Variants in ABCB11 observed in about 807,000 individuals in gnomAD.
ABCB11 encodes bile salt export pump.
In ABCB11, 95 loss-of-function variants were observed where a neutral mutation model predicts 148.0. The observed-to-expected ratio is 0.64, with a 90% confidence interval of 0.54 to 0.76. The LOEUF (loss-of-function observed/expected upper bound fraction) is 0.76, where lower values mean the gene tolerates loss of function less well. ABCB11 is among the 30% of genes least tolerant of loss of function. The pLI is 0.00. For synonymous variants in ABCB11, 591 were observed against 555.4 expected (o/e 1.06, Z -0.90); for missense variants, 1,523 against 1,617.8 (o/e 0.94, Z 1.01).
Position 168,952,680 on chromosome 2 carries a change from T to G in ABCB11, c.2343+5284A>C, listed in dbSNP as rs540697368. Among the ~76,000 whole-genome samples, 625 of 116,078 alleles carry G rather than the reference T, an allele frequency of 5.4e-3. 5 individuals carry two copies. The highest frequency in any genetic ancestry group is 8.9e-3 in the Non-Finnish European group (450 of 50,632). The allele number at this position is 116,078 out of a possible 152,430, so 76.2% of individuals were successfully genotyped here. On this transcript the variant is annotated intron_variant, in intron 19 of 27. Coordinates refer to ENST00000650372, the MANE Select transcript of ABCB11 (RefSeq NM_003742.4). ...TTTTTTGTTTCATTGCTCCTTTGTT[T>G]TTTTTTTTTTGTTTGTTTCTATTTT...
chr2:168,931,724 A>G (rs778059833), intron 24 of ABCB11, among the ~76,000 whole-genome samples: 8 of 152,118 alleles, frequency 5.3e-5, no homozygotes, highest in Non-Finnish European at 8.8e-5. Flanking sequence ...AACTGGCTTC[A>G]TTCATTTGGG....
In ABCB11 at chr2:168,932,368, A is replaced by G. The variant is rs1341979278; in HGVS notation, c.3213+9T>C. ...CTTTTTTATGGCTGCATAGTATTCC[A>G]ACACTTACCCATTTTTCACCTGCAG... On this transcript the variant is annotated intron_variant, in intron 24 of 27. Coordinates refer to ENST00000650372, the MANE Select transcript of ABCB11 (RefSeq NM_003742.4). The G allele has an allele frequency of 6.4e-7, 1 of 1,552,454 alleles. No individual in the cohort carries two copies. Among genetic ancestry groups the G allele is most frequent in the African/African-American group, 1.4e-5 (1 of 73,156 alleles).
At position 168,986,166 on chromosome 2, in the gene ABCB11, A is replaced by G; in HGVS notation, c.1027T>C (p.Tyr343His). The change falls in exon 10 of 28, where the codon TAC becomes CAC. Residue 343 changes from tyrosine (Y) to histidine (H), a missense_variant. Physicochemically the swap from Tyr to His is moderately conservative, Grantham distance 83 (BLOSUM62 2). Transcript: ENST00000650372. ...TCATCCAGGACAAGTGTGGAGCCGT[A>G]CCAGAAGGCCAGTGCATAACACAAA... ...IFLCYALAFW[Y>H]GSTLVLDEGE... 1 of 1,613,196 alleles carries G rather than the reference A, an allele frequency of 6.2e-7. No homozygotes were observed. The highest frequency in any genetic ancestry group is 8.5e-7 in the Non-Finnish European group (1 of 1,179,512).
intron 23 of ABCB11, 64 bp from the exon 24 acceptor site, chr2:168,932,597 C>G: frequency 1.9e-6 from 3 of 1,573,982 alleles, no homozygotes; most frequent in Non-Finnish European, 2.6e-6. Context: ...GACCTGAAGG[C>G]AGAAGTTTGG....
chr2:169,020,710 C>G (rs1695510101), intron 1 of ABCB11, among the ~76,000 whole-genome samples: 1 of 151,688 alleles, frequency 6.6e-6, no homozygotes, highest in Admixed American at 6.6e-5. Flanking sequence ...TAAGTGGTTG[C>G]CTAATGCTGG....
intron 8 of ABCB11, among the ~76,000 whole-genome samples, chr2:168,992,813 A>C (rs1694578644): frequency 6.6e-6 from 1 of 152,056 alleles, no homozygotes; most frequent in South Asian, 2.1e-4. Flanking sequence ...GAAATGTTTG[A>C]ATAATGTAGA....
Position 168,927,316 on chromosome 2 carries a change from C to G in ABCB11, c.3458G>C (p.Arg1153Pro), listed in dbSNP as rs748862206. 4 of 1,613,724 alleles carry G rather than the reference C, an allele frequency of 2.5e-6. No homozygotes were observed. The highest frequency in any genetic ancestry group is 2.5e-6 in the Non-Finnish European group (3 of 1,179,804). The change falls in exon 26 of 28, where the codon CGC becomes CCC. Residue 1153 changes from arginine (R) to proline (P), a missense_variant. Arg to Pro is a moderately radical substitution (Grantham distance 103). Coordinates refer to ENST00000650372, the MANE Select transcript of ABCB11 (RefSeq NM_003742.4). ...DSKKVNVQFL[R>P]SNIGIVSQEP... ...CTGGGAAACAATTCCAATGTTTGAGCGGAGGAACTGGACATTTACTTTTTT... is the reference window on the plus strand; with the variant it reads ...CTGGGAAACAATTCCAATGTTTGAGGGGAGGAACTGGACATTTACTTTTTT...
intron 9 of ABCB11, among the ~76,000 whole-genome samples, chr2:168,987,694 G>A (rs989009721): frequency 3.3e-5 from 5 of 152,166 alleles, no homozygotes; most frequent in Non-Finnish European, 7.3e-5. Flanking sequence ...GCCTTCCAAA[G>A]TGCTGGGATT....
rs1187121357 is a variant in ABCB11 at position 168,923,751 on chromosome 2, G to A, written c.3837C>T (p.Thr1279=). The part of the protein sequence containing the change: ...TCIVIAHRLS[T]IQNADIIAVM... ...CAGCAATGATATCCGCGTTCTGGAT[G>A]GTGGACAAGCGATGGGCAATGACAA... The change falls in exon 28 of 28, where the codon ACC becomes ACT. Residue 1279 remains threonine, a synonymous_variant. Coordinates refer to ENST00000650372, the MANE Select transcript of ABCB11 (RefSeq NM_003742.4). 1.2e-6 allele frequency: 2 copies of A among 1,613,874 alleles called. No individual in the cohort carries two copies. The highest frequency in any genetic ancestry group is 1.7e-6 in the Non-Finnish European group (2 of 1,179,874).
chr2:168,944,280 C>T (rs557281314), intron 21 of ABCB11, among the ~76,000 whole-genome samples: 6 of 111,248 alleles, frequency 5.4e-5, no homozygotes, highest in East Asian at 3.3e-4. Flanking sequence ...TCACCCACCC[C>T]CTGGGGGGCA....
chr2:168,986,574 T>C (rs1196925441), intron 9 of ABCB11, among the ~76,000 whole-genome samples: 1 of 152,078 alleles, frequency 6.6e-6, no homozygotes, highest in African/African-American at 2.4e-5. Context: ...TCAACATAAA[T>C]ATATGAACAA....
At position 169,027,672 on chromosome 2, in the gene ABCB11, A is replaced by C. The variant is rs148501933; in HGVS notation, c.-28+3553T>G. Reference sequence around the variant, plus strand: ...ATGGGCCTGAATGAGTAGTACCACAAAGGTCCTGAGGCTGTCAAAATTGGA... The same window carrying C: ...ATGGGCCTGAATGAGTAGTACCACACAGGTCCTGAGGCTGTCAAAATTGGA... On this transcript the variant is annotated intron_variant, in intron 1 of 27. Coordinates refer to ENST00000650372, the MANE Select transcript of ABCB11 (RefSeq NM_003742.4). 4.5e-3 allele frequency among the ~76,000 whole-genome samples: 688 copies of C among 152,268 alleles called. 5 individuals carry two copies. The highest frequency in any genetic ancestry group is 0.016 in the African/African-American group (649 of 41,564).
In ABCB11 at chr2:168,979,855, C is replaced by T; in HGVS notation, c.1197+11G>A. The T allele has an allele frequency of 6.4e-7, 1 of 1,550,524 alleles. No individual in the cohort carries two copies. Among genetic ancestry groups the T allele is most frequent in the Non-Finnish European group, 8.8e-7 (1 of 1,132,940 alleles). On this transcript the variant is annotated intron_variant, in intron 11 of 27. Transcript: ENST00000650372. ...ACCTGTTAATGGCCTTTACTTTTGG[C>T]TTATACATACCCTGTCTATTGTCTC...
chr2:168,922,315 A>C lies in ABCB11; in HGVS notation c.*1307T>G, dbSNP rs1043009069. Among the ~76,000 whole-genome samples, 6 of 152,118 alleles carry C rather than the reference A, an allele frequency of 3.9e-5. No homozygotes were observed. Among genetic ancestry groups the C allele is most frequent in the African/African-American group, 1.4e-4 (6 of 41,428 alleles). On this transcript the variant is annotated 3_prime_UTR_variant, in exon 28 of 28. Transcript: ENST00000650372. ...AACTTCATCTTGTGTCTCTAAGTGC[A>C]AACCTCCCTGTGAGCCTCCTCAGAG...
chr2:168,935,888 A>C lies in ABCB11; in HGVS notation c.2814+342T>G, dbSNP rs561871858. On this transcript the variant is annotated intron_variant, in intron 22 of 27. Coordinates refer to ENST00000650372, the MANE Select transcript of ABCB11 (RefSeq NM_003742.4). Reference sequence around the variant, plus strand: ...AAAGCATGGCTCAGGGGAACCATTAAATTGCAAAAGCTTCACGGCCAGAAA... The same window carrying C: ...AAAGCATGGCTCAGGGGAACCATTACATTGCAAAAGCTTCACGGCCAGAAA... Among the ~76,000 whole-genome samples the C allele has an allele frequency of 3.9e-5, 6 of 152,330 alleles. No homozygotes were observed. In the South Asian group the frequency reaches 1.2e-3, roughly 32 times the overall value.
chr2:168,915,611 A>C (rs1461638685), exon 3 of ABCB11, among the ~76,000 whole-genome samples: 1 of 152,232 alleles, frequency 6.6e-6, no homozygotes, highest in Admixed American at 6.5e-5. Context: ...ATGTTCAGGA[A>C]TCAGGCTGAA....
chr2:169,002,697 T>A (rs993640800), intron 5 of ABCB11, among the ~76,000 whole-genome samples: 1 of 152,120 alleles, frequency 6.6e-6, no homozygotes, highest in Non-Finnish European at 1.5e-5. Context: ...ACAAATACAG[T>A]GTAATCTCAC....
At chr2:168,976,467 C>T (rs2105976889) in intron 12 of ABCB11, 110 bp downstream of exon 12, 1 of 602,892 alleles carries the variant, frequency 1.7e-6, no homozygotes, top group Non-Finnish European at 2.9e-6. Flanking sequence ...CCTCCATTCC[C>T]TATTACTGGA....
In ABCB11 at chr2:168,979,672, CAAAAAAAAAAA is replaced by C. The variant is rs55859131; in HGVS notation, c.1197+183_1197+193del. On this transcript the variant is annotated intron_variant, in intron 11 of 27. Coordinates refer to ENST00000650372, the MANE Select transcript of ABCB11 (RefSeq NM_003742.4). ...GGGCAACAAGAGCGAAACTCCATCT[CAAAAAAAAAAA>C]AAAAAAAAAAAAAAAAGAATTGGCA... Among the ~76,000 whole-genome samples, 58,378 of 100,172 alleles carry C rather than the reference CAAAAAAAAAAA, an allele frequency of 0.58. 13,550 individuals are homozygous for C. Among genetic ancestry groups the C allele is most frequent in the South Asian group, 0.65 (2,123 of 3,246 alleles). 65.7% of individuals were successfully genotyped at this position (100,172 alleles called of 152,430 possible).
Sources: gnomAD v4.1 joint callset for allele counts (sites outside exome capture counted in the v4.1 genomes callset) on GRCh38, gnomAD v4.1.1 for gene constraint, MANE v1.5 for transcripts, NCBI Gene and HGNC (gene_info 2026-07-23, HGNC 2026-07-21) for gene names.